Variants in LRRC4B observed in about 807,000 individuals in gnomAD.
LRRC4B encodes leucine-rich repeat-containing protein 4B.
A neutral mutation model predicts 7.3 loss-of-function variants in LRRC4B; 1 was observed. The ratio of observed to expected loss-of-function variants is 0.14; its 90% confidence interval spans 0.05 to 0.65. The LOEUF (loss-of-function observed/expected upper bound fraction) is 0.65, where lower values mean the gene tolerates loss of function less well. Ranked by LOEUF, LRRC4B falls within the 30% of genes least tolerant of loss-of-function variation. The probability of loss-of-function intolerance (pLI) is 0.84; values close to 1 mark genes in which losing one functional copy is unlikely to be tolerated. For synonymous variants in LRRC4B, 500 were observed against 499.2 expected (o/e 1.00, Z -0.02); for missense variants, 730 against 1,041.6 (o/e 0.70, Z 4.12).
At chr19:50,533,253 CT>C (rs1485559062) in intron 2 of LRRC4B, among the ~76,000 whole-genome samples, 2 of 152,236 alleles carry the variant, frequency 1.3e-5, no homozygotes, top group East Asian at 1.9e-4. Flanking sequence ...ATTCTTTCCC[CT>C]TTCCTGTCTT....
At chr19:50,549,871 G>C (rs1182606513) in intron 1 of LRRC4B, among the ~76,000 whole-genome samples, 1 of 152,198 alleles carries the variant, frequency 6.6e-6, no homozygotes, top group Admixed American at 6.5e-5. Flanking sequence ...GGAGGGGATG[G>C]GGAAGGGAAG....
rs974897958 is a variant in LRRC4B at position 50,566,604 on chromosome 19, T to G, written c.-36+1340A>C. Among the ~76,000 whole-genome samples the G allele has an allele frequency of 2.0e-5, 3 of 151,190 alleles. No individual in the cohort carries two copies. In the South Asian group the frequency reaches 6.3e-4, roughly 32 times the overall value. On this transcript the variant is annotated intron_variant, in intron 1 of 2. Coordinates refer to ENST00000652263, the MANE Select transcript of LRRC4B (RefSeq NM_001080457.2). ...TGGAGGGGTGGGCAAGAGGCCATCC[T>G]GGGCTCTGGAGACTCGAGTCCTGGA...
chr19:50,543,223 C>T (rs915342650), intron 2 of LRRC4B, among the ~76,000 whole-genome samples: 3 of 152,204 alleles, frequency 2.0e-5, no homozygotes, highest in East Asian at 1.9e-4. Context: ...TGCCTTCATG[C>T]AGGTGGCAGC....
intron 1 of LRRC4B, among the ~76,000 whole-genome samples, chr19:50,560,176 C>T (rs763883242): frequency 6.6e-6 from 1 of 152,058 alleles, no homozygotes; most frequent in Non-Finnish European, 1.5e-5. Context: ...GATTCTGCAT[C>T]GCCATATCTA....
chr19:50,538,727 C>T lies in LRRC4B; in HGVS notation c.297+9815G>A, dbSNP rs550949063. Among the ~76,000 whole-genome samples, 6 of 151,940 alleles carry T rather than the reference C, an allele frequency of 3.9e-5. No homozygotes were observed. In the East Asian group the frequency reaches 9.7e-4, roughly 25 times the overall value. On this transcript the variant is annotated intron_variant, in intron 2 of 2. Coordinates refer to ENST00000652263, the MANE Select transcript of LRRC4B (RefSeq NM_001080457.2). ...GGGACTACAGGTGCGTGCCACCACA[C>T]CTGGCTAATTTTTGTATTTTTAGTA...
intron 2 of LRRC4B, among the ~76,000 whole-genome samples, chr19:50,542,667 G>T (rs1386161389): frequency 6.6e-6 from 1 of 151,858 alleles, no homozygotes; most frequent in Non-Finnish European, 1.5e-5. Flanking sequence ...AGTAGAGATG[G>T]GGTTTCACCA....
chr19:50,538,876 G>T (rs1981415759), intron 2 of LRRC4B, among the ~76,000 whole-genome samples: 1 of 150,716 alleles, frequency 6.6e-6, no homozygotes, highest in African/African-American at 2.4e-5. Flanking sequence ...GATTACAGGT[G>T]CGAGCCACCG....
intron 2 of LRRC4B, among the ~76,000 whole-genome samples, chr19:50,539,598 A>G (rs990184181): frequency 2.0e-5 from 3 of 152,020 alleles, no homozygotes; most frequent in Non-Finnish European, 4.4e-5. Flanking sequence ...TCTGATTATA[A>G]AAGTTATTGG....
intron 1 of LRRC4B, among the ~76,000 whole-genome samples, chr19:50,550,524 T>C (rs1420171934): frequency 6.6e-6 from 1 of 152,050 alleles, no homozygotes; most frequent in African/African-American, 2.4e-5. Context: ...CACACGGCTA[T>C]GCACACACAC....
At chr19:50,546,232 G>A (rs1231477001) in intron 2 of LRRC4B, among the ~76,000 whole-genome samples, 4 of 152,076 alleles carry the variant, frequency 2.6e-5, no homozygotes, top group Non-Finnish European at 5.9e-5. Flanking sequence ...CTACTCAAGA[G>A]ACTGAGGCGG....
rs1036841159 is a variant in LRRC4B at position 50,537,781 on chromosome 19, G to C, written c.297+10761C>G. Among the ~76,000 whole-genome samples the C allele has an allele frequency of 1.3e-5, 2 of 152,196 alleles. No individual in the cohort carries two copies. The highest frequency in any genetic ancestry group is 4.8e-5 in the African/African-American group (2 of 41,438). On this transcript the variant is annotated intron_variant, in intron 2 of 2. Coordinates refer to ENST00000652263, the MANE Select transcript of LRRC4B (RefSeq NM_001080457.2). This position sits in a 1 kb window ranked among gnomAD's most constrained non-coding sequence, Gnocchi z 5.5. ...TTGAAAAGGGTAGAAACTGAGGCTC[G>C]GAGTGGTGACAAGGATTATGTGGGC...
At chr19:50,545,798 A>G (rs891820021) in intron 2 of LRRC4B, among the ~76,000 whole-genome samples, 2 of 145,886 alleles carry the variant, frequency 1.4e-5, no homozygotes, top group African/African-American at 5.1e-5. Context: ...ATCTCAGCTC[A>G]CTGCAACCTC....
At chr19:50,538,109 G>A (rs1981371194) in intron 2 of LRRC4B, among the ~76,000 whole-genome samples, 1 of 146,332 alleles carries the variant, frequency 6.8e-6, no homozygotes, top group South Asian at 2.2e-4. Flanking sequence ...GCCCAGGCTG[G>A]AGTGCAGTGG....
In LRRC4B at chr19:50,519,800, G is replaced by C. The variant is rs1237812003; in HGVS notation, c.298-385C>G. 6.6e-6 allele frequency among the ~76,000 whole-genome samples: 1 copy of C among 152,108 alleles called. No homozygotes were observed. Among genetic ancestry groups the C allele is most frequent in the Non-Finnish European group, 1.5e-5 (1 of 68,014 alleles). On this transcript the variant is annotated intron_variant, in intron 2 of 2. Coordinates refer to ENST00000652263, the MANE Select transcript of LRRC4B (RefSeq NM_001080457.2). The surrounding 1 kb of genome is among the most constrained non-coding windows in gnomAD (Gnocchi z 8.1). ...AGGCACGAGAATCACTTGAACCCAG[G>C]AGGCGGAGTCTGCAGTGAGTCGAGA...
intron 2 of LRRC4B, among the ~76,000 whole-genome samples, chr19:50,530,187 C>T (rs911252237): frequency 6.6e-6 from 1 of 152,202 alleles, no homozygotes; most frequent in African/African-American, 2.4e-5. Flanking sequence ...TCAGTCTCTC[C>T]CCTCCAGTCC....
At chr19:50,547,662 C>T (rs546092058) in intron 2 of LRRC4B, among the ~76,000 whole-genome samples, 3 of 147,644 alleles carry the variant, frequency 2.0e-5, no homozygotes, top group South Asian at 2.2e-4. Flanking sequence ...ATCTAGTGGC[C>T]GGAAATGCTG....
intron 2 of LRRC4B, among the ~76,000 whole-genome samples, chr19:50,536,161 T>C (rs1468266699): frequency 1.3e-5 from 2 of 150,538 alleles, no homozygotes. Context: ...TATGATGGAG[T>C]CTCGCTCTGT....
intron 2 of LRRC4B, among the ~76,000 whole-genome samples, chr19:50,527,417 C>T (rs1303044390): frequency 6.8e-6 from 1 of 146,698 alleles, no homozygotes; most frequent in Non-Finnish European, 1.5e-5. Flanking sequence ...GAATTTCTGA[C>T]CTCAAATGAT....
intron 1 of LRRC4B, among the ~76,000 whole-genome samples, chr19:50,566,467 G>A (rs1320824810): frequency 6.6e-6 from 1 of 151,566 alleles, no homozygotes; most frequent in Non-Finnish European, 1.5e-5. Context: ...CCGACAGAAA[G>A]TCACCAGAGG....
Sources: allele counts gnomAD v4.1 joint callset (sites outside exome capture counted in the v4.1 genomes callset), GRCh38; gene constraint gnomAD v4.1.1; non-coding constraint Gnocchi (gnomAD v3.1); transcripts MANE v1.5; gene names NCBI Gene and HGNC (gene_info 2026-07-23, HGNC 2026-07-21).